Variants in CCDC40 observed in about 807,000 individuals in gnomAD.
The protein encoded by CCDC40 is coiled-coil domain-containing protein 40.
CCDC40 carries 104 observed loss-of-function variants against 124.5 expected under a neutral mutation model. That is an observed-to-expected ratio of 0.84 (90% CI 0.71 to 0.98). The LOEUF is 0.98. Among genes scored for constraint, CCDC40 ranks in the 50% least tolerant of loss-of-function variants. CCDC40 has a pLI of 0.00. For missense variants in CCDC40, 1,463 were observed against 1,503.9 expected (o/e 0.97, Z 0.45); for synonymous variants, 580 against 602.9 (o/e 0.96, Z 0.56).
intron 10 of CCDC40, among the ~76,000 whole-genome samples, chr17:80,072,973 C>T (rs977225683): frequency 1.4e-5 from 2 of 146,392 alleles, no homozygotes; most frequent in South Asian, 2.2e-4. Context: ...TCTCCTACTG[C>T]GTGGAATCGC....
intron 10 of CCDC40, among the ~76,000 whole-genome samples, chr17:80,074,966 G>A (rs1365765080): frequency 1.3e-5 from 2 of 151,588 alleles, no homozygotes; most frequent in Admixed American, 6.6e-5. Flanking sequence ...TCTGTTGCCC[G>A]GGCTGGAGTG....
chr17:80,056,465 C>A (rs1027920781), intron 7 of CCDC40, among the ~76,000 whole-genome samples: 1 of 151,428 alleles, frequency 6.6e-6, no homozygotes, highest in African/African-American at 2.4e-5. Context: ...ACAAAAAATA[C>A]AAAAATGAGA....
intron 9 of CCDC40, among the ~76,000 whole-genome samples, chr17:80,062,322 A>G (rs946253959): frequency 6.6e-6 from 1 of 152,068 alleles, no homozygotes; most frequent in African/African-American, 2.4e-5. Flanking sequence ...TTTAAATTAT[A>G]CTTTAAGTTT....
chr17:80,098,446 G>A (rs1163117437), intron 19 of CCDC40, among the ~76,000 whole-genome samples: 4 of 152,264 alleles, frequency 2.6e-5, no homozygotes, highest in Non-Finnish European at 4.4e-5. Flanking sequence ...GTGCTTCAGG[G>A]CGGCCCCTGT....
chr17:80,085,011 G>C (rs369919631), intron 13 of CCDC40, 23 bp downstream of exon 13: 1 of 1,611,792 alleles, frequency 6.2e-7, no homozygotes, highest in Non-Finnish European at 8.5e-7. Context: ...GCAGGGAGAC[G>C]TGGTCCCCGG....
Position 80,048,611 on chromosome 17 carries a change from C to T in CCDC40, c.705C>T (p.His235=), listed in dbSNP as rs564111905. 6 of 1,613,932 alleles carry T rather than the reference C, an allele frequency of 3.7e-6. No homozygotes were observed. In the East Asian group the frequency reaches 8.9e-5, roughly 24 times the overall value. Residue 235 remains histidine, a synonymous_variant, in exon 5 of 20, where the codon CAC becomes CAT. Coordinates refer to ENST00000397545, the MANE Select transcript of CCDC40 (RefSeq NM_017950.4). The stretch of plus-strand genomic sequence containing the variant: ...TCCCCCCAGGGGTGCCCGATGCCCA[C>T]CCCAGGGAAGGAGACCTGCCAGTGT... ...PVIPPGVPDA[H]PREGDLPVFQ...
chr17:80,097,191 G>A, intron 18 of CCDC40, 54 bp from the exon 19 acceptor site: 1 of 1,601,570 alleles, frequency 6.2e-7, no homozygotes, highest in East Asian at 2.2e-5. Context: ...ACTCTTCCCT[G>A]TCCGCCAAGT....
intron 7 of CCDC40, among the ~76,000 whole-genome samples, chr17:80,057,831 G>A (rs748490386): frequency 4.5e-4 from 69 of 151,686 alleles, no homozygotes; most frequent in Non-Finnish European, 7.4e-4. Flanking sequence ...AGTCGAGATC[G>A]CGCCACTGCA....
At position 80,097,380 on chromosome 17, in the gene CCDC40, C is replaced by A. The variant is rs1006639198; in HGVS notation, c.3157C>A (p.Arg1053=). The A allele has an allele frequency of 6.8e-6, 11 of 1,613,954 alleles. No homozygotes were observed. Among genetic ancestry groups the A allele is most frequent in the African/African-American group, 1.3e-5 (1 of 75,056 alleles). Residue 1053 remains arginine (R), a synonymous_variant, in exon 19 of 20, where the codon CGG becomes AGG. Transcript: ENST00000397545. The part of the protein sequence containing the change: ...DFDTLEADLT[R]LGALKRQNLS... ...CGACACACTCGAGGCCGACCTCACC[C>A]GGCTTGGGGCCCTCAAACGACAGGT...
chr17:80,056,002 A>ATTTTTTTTTTTTTTT (rs1397122647), intron 7 of CCDC40, among the ~76,000 whole-genome samples: 1 of 7,862 alleles, frequency 1.3e-4, no homozygotes, highest in Non-Finnish European at 2.8e-4. Context: ...ATATATATAT[A>ATTTTTTTTTTTTTTT]TATATATATA....
chr17:80,090,806 C>A (rs898298873), intron 17 of CCDC40: 3 of 1,238,834 alleles, frequency 2.4e-6, no homozygotes, highest in African/African-American at 1.5e-5. Context: ...GCCTCACTTT[C>A]ACCATGCCAT....
intron 18 of CCDC40, among the ~76,000 whole-genome samples, chr17:80,096,990 A>C (rs1398399306): frequency 1.3e-5 from 2 of 152,056 alleles, no homozygotes; most frequent in East Asian, 3.9e-4. Flanking sequence ...GGACAGACCC[A>C]CTGCACGGGG....
At chr17:80,054,362 C>G (rs902356780) in intron 7 of CCDC40, among the ~76,000 whole-genome samples, 1 of 152,012 alleles carries the variant, frequency 6.6e-6, no homozygotes, top group Non-Finnish European at 1.5e-5. Context: ...TCTGTTTTCC[C>G]TAAATGCACC....
rs2143617296 is a variant in CCDC40 at position 80,050,209 on chromosome 17, A to G, written c.1085A>G (p.Lys362Arg). 2 of 1,610,080 alleles carry G rather than the reference A, an allele frequency of 1.2e-6. No individual in the cohort carries two copies. The highest frequency in any genetic ancestry group is 1.7e-6 in the Non-Finnish European group (2 of 1,179,120). ...ATGGCCTCGAGCGAGCGCAGGCAGA[A>G]GGAGGAGGAGCTGCAGGCCGCCCGC... is the stretch of plus-strand genomic sequence containing the variant. ...HAMASSERRQ[K>R]EEELQAARAL... Residue 362 changes from lysine (K) to arginine (R), a missense_variant, in exon 7 of 20, where the codon AAG becomes AGG. Coordinates refer to ENST00000397545, the MANE Select transcript of CCDC40 (RefSeq NM_017950.4).
chr17:80,039,009 C>A (rs1481863563), intron 2 of CCDC40, among the ~76,000 whole-genome samples: 2 of 152,148 alleles, frequency 1.3e-5, no homozygotes, highest in Non-Finnish European at 2.9e-5. Context: ...GGATGTCCAA[C>A]TTTGGGTTGC....
At position 80,084,771 on chromosome 17, in the gene CCDC40, A is replaced by T. The variant is rs2038540550; in HGVS notation, c.2018A>T (p.Asp673Val). 1 of 1,614,028 alleles carries T rather than the reference A, an allele frequency of 6.2e-7. No individual in the cohort carries two copies. Among genetic ancestry groups the T allele is most frequent in the Admixed American group, 1.7e-5 (1 of 60,004 alleles). Reference protein sequence around the residue: ...MMTHLSKINGDIAQTTLDITH... With the variant: ...MMTHLSKINGVIAQTTLDITH... ...ACACATCTTTCCAAAATCAACGGTG[A>T]CATTGCCCAGACCACCCTGGACATC... The change falls in exon 13 of 20, where the codon GAC becomes GTC. Residue 673 changes from aspartate (D) to valine (V), a missense_variant. Physicochemically the swap from Asp to Val is radical, Grantham distance 152. Transcript: ENST00000397545.
chr17:80,090,979 GAGA>G (rs2038711850), intron 17 of CCDC40, among the ~76,000 whole-genome samples: 1 of 152,214 alleles, frequency 6.6e-6, no homozygotes, highest in Admixed American at 6.5e-5. Context: ...GGGGGCCAAA[GAGA>G]AGGTCCGGGC....
Position 80,087,782 on chromosome 17 carries a change from G to A in CCDC40, c.2619+6G>A. ...AGTTCGTGCGCTCGCTGAAGGTCCGGCCGTGTCCACGCAGTCCCGGGGCTC... is the reference window on the plus strand; with the variant it reads ...AGTTCGTGCGCTCGCTGAAGGTCCGACCGTGTCCACGCAGTCCCGGGGCTC... On this transcript the variant is annotated splice_donor_region_variant and intron_variant, in intron 15 of 19. Transcript: ENST00000397545. This position sits in a 1 kb window ranked among gnomAD's most constrained non-coding sequence, Gnocchi z 4.5. The A allele has an allele frequency of 6.2e-7, 1 of 1,613,758 alleles. No individual in the cohort carries two copies. The highest frequency in any genetic ancestry group is 1.7e-5 in the Admixed American group (1 of 60,018).
chr17:80,093,614 A>G (rs1027944550), intron 17 of CCDC40, among the ~76,000 whole-genome samples: 1 of 151,652 alleles, frequency 6.6e-6, no homozygotes. Flanking sequence ...CCGGGGTTCA[A>G]GTGATTCTCC....
Sources: allele counts gnomAD v4.1 joint callset (sites outside exome capture counted in the v4.1 genomes callset), GRCh38; gene constraint gnomAD v4.1.1; non-coding constraint Gnocchi (gnomAD v3.1); transcripts MANE v1.5; gene names NCBI Gene and HGNC (gene_info 2026-07-23, HGNC 2026-07-21).